FOXJ3: variants seen among roughly 807,000 people sequenced by gnomAD.
FOXJ3 encodes the protein forkhead box protein J3.
Under a neutral mutation model 76.1 loss-of-function variants are expected in FOXJ3, and 22 were observed. That is an observed-to-expected ratio of 0.29 (90% CI 0.21 to 0.41). The LOEUF is 0.41. FOXJ3 is among the 10% of genes least tolerant of loss of function. The probability of loss-of-function intolerance (pLI) is 1.00; values close to 1 mark genes in which losing one functional copy is unlikely to be tolerated. For missense variants in FOXJ3, 613 were observed against 762.1 expected (o/e 0.80, Z 2.30); for synonymous variants, 269 against 261.2 (o/e 1.03, Z -0.29).
intron 5 of FOXJ3, among the ~76,000 whole-genome samples, chr1:42,214,406 G>A (rs570953850): frequency 3.9e-4 from 59 of 152,230 alleles, no homozygotes; most frequent in African/African-American, 1.3e-3. Context: ...GCCATCAACC[G>A]AAATTCTGGA....
At position 42,311,881 on chromosome 1, in the gene FOXJ3, T is replaced by C. The variant is rs532593617; in HGVS notation, c.-17-771A>G. Among the ~76,000 whole-genome samples, 3 of 152,300 alleles carry C rather than the reference T, an allele frequency of 2.0e-5. 1 individual carries two copies. The highest frequency in any genetic ancestry group is 7.2e-5 in the African/African-American group (3 of 41,562). ...CTGCAAGCTTGTTGTTAGAATTAAA[T>C]AAATCAACAAATGTAAAAGTGTCTA... is the stretch of plus-strand genomic sequence containing the variant. On this transcript the variant is annotated intron_variant, in intron 1 of 12. Transcript: ENST00000361346.
At chr1:42,310,738 C>T (rs1654756751) in intron 2 of FOXJ3, among the ~76,000 whole-genome samples, 1 of 152,156 alleles carries the variant, frequency 6.6e-6, no homozygotes, top group African/African-American at 2.4e-5. Context: ...ATGTGAGCCA[C>T]CGCGCCCAGC....
At chr1:42,238,894 G>C (rs1648912314) in intron 4 of FOXJ3, among the ~76,000 whole-genome samples, 1 of 152,086 alleles carries the variant, frequency 6.6e-6, no homozygotes, top group Non-Finnish European at 1.5e-5. Context: ...ACCTGGGGAG[G>C]ACTGGTATCT....
intron 3 of FOXJ3, 71 bp from the exon 4 acceptor site, chr1:42,265,260 T>C: frequency 1.3e-6 from 1 of 765,046 alleles, no homozygotes; most frequent in Non-Finnish European, 2.1e-6. Context: ...AAAAACAGAA[T>C]TAGAAATCTA....
chr1:42,265,293 C>A, intron 3 of FOXJ3, 104 bp from the exon 4 acceptor site: 1 of 594,430 alleles, frequency 1.7e-6, no homozygotes, highest in Non-Finnish European at 2.9e-6. Flanking sequence ...CTTTGCAAAA[C>A]AATTACAAAT....
At chr1:42,213,746 TAA>T (rs113780152) in intron 5 of FOXJ3, among the ~76,000 whole-genome samples, 11 of 151,876 alleles carry the variant, frequency 7.2e-5, no homozygotes, top group Admixed American at 1.3e-4. Flanking sequence ...ATGTGGATTC[TAA>T]AAAAAACCCC....
At chr1:42,209,478 C>T (rs1025397852) in intron 5 of FOXJ3, among the ~76,000 whole-genome samples, 8 of 152,168 alleles carry the variant, frequency 5.3e-5, no homozygotes, top group African/African-American at 1.9e-4. Flanking sequence ...GCAGCCTACA[C>T]CATGAAACAG....
intron 6 of FOXJ3, among the ~76,000 whole-genome samples, 155 bp downstream of exon 6, chr1:42,205,607 A>G (rs1646845986): frequency 6.6e-6 from 1 of 152,216 alleles, no homozygotes; most frequent in Non-Finnish European, 1.5e-5. Flanking sequence ...CATACCTCAA[A>G]ACATTCTGAA....
At chr1:42,197,102 C>T (rs991334214) in intron 7 of FOXJ3, among the ~76,000 whole-genome samples, 2 of 152,134 alleles carry the variant, frequency 1.3e-5, no homozygotes, top group Non-Finnish European at 2.9e-5. Flanking sequence ...TTTCTCTTGC[C>T]TTCACATATG....
intron 7 of FOXJ3, among the ~76,000 whole-genome samples, chr1:42,198,353 T>C (rs2124262055): frequency 6.6e-6 from 1 of 152,358 alleles, no homozygotes; most frequent in East Asian, 1.9e-4. Flanking sequence ...TGTTATTTTC[T>C]TTCGGGTCCC....
At position 42,205,740 on chromosome 1, in the gene FOXJ3, A is replaced by G. The variant is rs768955855; in HGVS notation, c.630+22T>C. On this transcript the variant is annotated intron_variant, in intron 6 of 12. Transcript: ENST00000361346. ...TGTACTACTCAATGACATTTCAATAATGTTTAAAAAAATGAAATTACTTTG... is the reference window on the plus strand; with the variant it reads ...TGTACTACTCAATGACATTTCAATAGTGTTTAAAAAAATGAAATTACTTTG... The G allele has an allele frequency of 2.3e-6, 3 of 1,304,282 alleles. 1 individual carries two copies. The highest frequency in any genetic ancestry group is 2.4e-5 in the South Asian group (2 of 84,130). 80.8% of individuals were successfully genotyped at this position (1,304,282 alleles called of 1,614,324 possible).
chr1:42,189,289 G>A lies in FOXJ3; in HGVS notation c.1453+14C>T. 1 of 1,544,460 alleles carries A rather than the reference G, an allele frequency of 6.5e-7. No homozygotes were observed. The highest frequency in any genetic ancestry group is 1.1e-5 in the South Asian group (1 of 89,380). On this transcript the variant is annotated intron_variant, in intron 10 of 12. Transcript: ENST00000361346. Reference sequence around the variant, plus strand: ...TGTGTATTTGGTTATATGTCAAAAAGAACCAACACTCACCTTGAAACTGTG... The same window carrying A: ...TGTGTATTTGGTTATATGTCAAAAAAAACCAACACTCACCTTGAAACTGTG...
intron 2 of FOXJ3, among the ~76,000 whole-genome samples, chr1:42,293,843 T>C (rs1653602080): frequency 1.3e-5 from 2 of 151,618 alleles, no homozygotes; most frequent in South Asian, 4.1e-4. Context: ...AAGGTGTTAA[T>C]AAAACTGTGA....
chr1:42,187,202 G>A lies in FOXJ3; in HGVS notation c.1645+1535C>T, dbSNP rs114215393. On this transcript the variant is annotated intron_variant, in intron 11 of 12. Coordinates refer to ENST00000361346, the MANE Select transcript of FOXJ3 (RefSeq NM_014947.5). ...ATCATCTTCTACTTCTCCTGCCTACGGCAACAATCTATGAGCAACACAGGT... is the reference window on the plus strand; with the variant it reads ...ATCATCTTCTACTTCTCCTGCCTACAGCAACAATCTATGAGCAACACAGGT... Among the ~76,000 whole-genome samples, 377 of 152,262 alleles carry A rather than the reference G, an allele frequency of 2.5e-3. 1 individual carries two copies. Among genetic ancestry groups the A allele is most frequent in the African/African-American group, 8.7e-3 (361 of 41,532 alleles).
chr1:42,202,001 C>CA (rs1371493357), intron 6 of FOXJ3, among the ~76,000 whole-genome samples: 1 of 151,978 alleles, frequency 6.6e-6, no homozygotes, highest in East Asian at 1.9e-4. Context: ...ATAAGATGTT[C>CA]ATATCTATCC....
chr1:42,333,702 T>C (rs1298786329), intron 1 of FOXJ3, among the ~76,000 whole-genome samples: 1 of 152,132 alleles, frequency 6.6e-6, no homozygotes, highest in Non-Finnish European at 1.5e-5. Flanking sequence ...ATGGAAACCC[T>C]AATCTGGAAG....
rs538144738 is a variant in FOXJ3 at position 42,191,178 on chromosome 1, T to C, written c.1351+125A>G. 1.6e-5 allele frequency: 14 copies of C among 877,418 alleles called. No individual in the cohort carries two copies. In the African/African-American group the frequency reaches 1.7e-4, roughly 10 times the overall value. 54.4% of individuals were successfully genotyped at this position (877,418 alleles called of 1,614,324 possible). On this transcript the variant is annotated intron_variant, in intron 9 of 12. Coordinates refer to ENST00000361346, the MANE Select transcript of FOXJ3 (RefSeq NM_014947.5). ...CTATGAATTAAATGAGTTACAACTA[T>C]AGGATTATAGCAAGGAAACAGATGT...
At chr1:42,269,480 C>T (rs1328392297) in intron 3 of FOXJ3, among the ~76,000 whole-genome samples, 2 of 152,136 alleles carry the variant, frequency 1.3e-5, no homozygotes, top group Non-Finnish European at 2.9e-5. Context: ...TCTACATCTG[C>T]TGCCTAGCCA....
intron 1 of FOXJ3, among the ~76,000 whole-genome samples, chr1:42,316,301 TGG>T (rs564162579): frequency 5.4e-4 from 78 of 143,388 alleles, no homozygotes; most frequent in African/African-American, 1.9e-3. Context: ...TCCTAGTACC[TGG>T]GACCACAGGT....
Sources: allele counts gnomAD v4.1 joint callset (sites outside exome capture counted in the v4.1 genomes callset), GRCh38; gene constraint gnomAD v4.1.1; transcripts MANE v1.5; gene names NCBI Gene and HGNC (gene_info 2026-07-23, HGNC 2026-07-21).